The following TMEM117 variants were observed in gnomAD, a reference collection of about 807,000 sequenced individuals.
TMEM117 encodes transmembrane protein 117.
TMEM117 carries 27 observed loss-of-function variants against 52.4 expected under a neutral mutation model. That is an observed-to-expected ratio of 0.51 (90% confidence interval 0.38 to 0.71). The LOEUF (loss-of-function observed/expected upper bound fraction) is 0.71, where lower values mean the gene tolerates loss of function less well. Among genes scored for constraint, TMEM117 ranks in the 30% least tolerant of loss-of-function variants. The probability of loss-of-function intolerance (pLI) is 0.00; values close to 1 mark genes in which losing one functional copy is unlikely to be tolerated. For synonymous variants in TMEM117, 215 were observed against 206.3 expected, an observed-to-expected ratio of 1.04 and a Z score of -0.36; for missense variants, 556 against 630.5, an observed-to-expected ratio of 0.88 and a Z score of 1.26.
chr12:43,798,579 C>T, the TMEM117 span: 9 of 1,523,348 alleles, frequency 5.9e-6, no homozygotes, highest in Non-Finnish European at 8.8e-7. Context: ...ATATGATCCT[C>T]TGGGCTCTGA....
intron 3 of TMEM117, among the ~76,000 whole-genome samples, chr12:44,131,478 T>G: frequency 6.6e-6 from 1 of 152,124 alleles, no homozygotes; most frequent in East Asian, 1.9e-4. Context: ...GGTGAGTTTT[T>G]CTCTATATAT....
chr12:43,875,604 TC>T (rs931896357), intron 2 of TMEM117, among the ~76,000 whole-genome samples: 3 of 152,226 alleles, frequency 2.0e-5, no homozygotes, highest in African/African-American at 7.2e-5. Flanking sequence ...TTGATTATTT[TC>T]TTTGCCTTTT....
chr12:43,806,266 G>T, the TMEM117 span: 1 of 1,520,448 alleles, frequency 6.6e-7, no homozygotes, highest in African/African-American at 1.4e-5. Context: ...GCTAGCTCCC[G>T]GCTCCGGCGC....
Position 44,214,229 on chromosome 12 carries a change from T to A in TMEM117, c.608+2842T>A, listed in dbSNP as rs574982871. Among the ~76,000 whole-genome samples, 17 of 146,272 alleles carry A rather than the reference T, an allele frequency of 1.2e-4. No individual in the cohort carries two copies. The South Asian group carries it at 3.6e-3, about 31-fold the overall frequency. ...GGCACAGTCTCGGCTCACTGCAGCC[T>A]CTGCCTCCCAGGTCCTAGTGATTCT... is the stretch of plus-strand genomic sequence containing the variant. On this transcript the variant is annotated intron_variant, in intron 5 of 7. Transcript: ENST00000266534.
At chr12:44,060,829 A>G (rs1385597511) in intron 3 of TMEM117, among the ~76,000 whole-genome samples, 5 of 152,206 alleles carry the variant, frequency 3.3e-5, no homozygotes, top group Admixed American at 2.6e-4. Flanking sequence ...TAACTTTGAC[A>G]TATGCTTTTA....
At chr12:44,378,294 A>G (rs1283456968) in intron 7 of TMEM117, among the ~76,000 whole-genome samples, 2 of 152,204 alleles carry the variant, frequency 1.3e-5, no homozygotes, top group Non-Finnish European at 2.9e-5. Context: ...AGCTGCTAAA[A>G]ATATTTAATT....
At chr12:44,339,750 A>T (rs910790386) in intron 6 of TMEM117, among the ~76,000 whole-genome samples, 2 of 151,928 alleles carry the variant, frequency 1.3e-5, no homozygotes, top group African/African-American at 4.8e-5. Flanking sequence ...GGTATATAAG[A>T]AAAAATGTAT....
chr12:44,191,848 C>T (rs1411198632), intron 4 of TMEM117, among the ~76,000 whole-genome samples: 1 of 151,906 alleles, frequency 6.6e-6, no homozygotes, highest in Non-Finnish European at 1.5e-5. Context: ...ACATTTTTTT[C>T]TATAAGTAAT....
At chr12:43,916,877 A>G (rs1944612992) in intron 2 of TMEM117, among the ~76,000 whole-genome samples, 1 of 152,016 alleles carries the variant, frequency 6.6e-6, no homozygotes, top group South Asian at 2.1e-4. Flanking sequence ...TAACAATCTC[A>G]CTGTTAGAGC....
chr12:44,353,464 A>G (rs1292536990), intron 6 of TMEM117, among the ~76,000 whole-genome samples: 5 of 151,278 alleles, frequency 3.3e-5, no homozygotes, highest in Admixed American at 1.3e-4. Flanking sequence ...ATCTTGAATT[A>G]ATTTTTGTAT....
At chr12:44,045,572 A>G (rs549668244) in intron 3 of TMEM117, among the ~76,000 whole-genome samples, 5 of 152,258 alleles carry the variant, frequency 3.3e-5, no homozygotes, top group Admixed American at 3.3e-4. Flanking sequence ...GGCCGGGCAC[A>G]GTGATTCACG....
upstream of TMEM117, among the ~76,000 whole-genome samples, chr12:43,831,479 G>A (rs542409857): frequency 6.7e-6 from 1 of 149,714 alleles, no homozygotes; most frequent in African/African-American, 2.5e-5. Context: ...AGACTGAAAT[G>A]TATTATTGAG....
chr12:44,011,513 A>G (rs1275474037), intron 3 of TMEM117, among the ~76,000 whole-genome samples: 1 of 152,102 alleles, frequency 6.6e-6, no homozygotes, highest in Non-Finnish European at 1.5e-5. Flanking sequence ...GTAAGACGTG[A>G]CTTGCTTCTC....
intron 2 of TMEM117, among the ~76,000 whole-genome samples, chr12:43,922,300 A>G (rs2137559106): frequency 6.6e-6 from 1 of 152,316 alleles, no homozygotes; most frequent in Admixed American, 6.5e-5. Context: ...TTGAATTGTA[A>G]TTATTTCTAG....
chr12:43,922,294 A>C (rs1323295461), intron 2 of TMEM117, among the ~76,000 whole-genome samples: 2 of 152,172 alleles, frequency 1.3e-5, no homozygotes, highest in Non-Finnish European at 2.9e-5. Flanking sequence ...CAGTAATTGA[A>C]TTGTAATTAT....
the TMEM117 span, among the ~76,000 whole-genome samples, chr12:43,815,003 C>T: frequency 7.2e-5 from 11 of 152,170 alleles, no homozygotes; most frequent in Non-Finnish European, 1.5e-4. Flanking sequence ...CCTCGGCCTC[C>T]CAAAGTGCTG....
At chr12:44,349,238 T>C (rs1798019) in intron 6 of TMEM117, among the ~76,000 whole-genome samples, 3,390 of 151,982 alleles carry the variant, frequency 0.022, 140 homozygotes, top group African/African-American at 0.077. Context: ...TTTAATTCTT[T>C]TCTGTGAAAG....
intron 6 of TMEM117, among the ~76,000 whole-genome samples, chr12:44,320,006 T>TC (rs1951110433): frequency 6.6e-6 from 1 of 152,154 alleles, no homozygotes; most frequent in Admixed American, 6.5e-5. Flanking sequence ...GGCTAGTCTT[T>TC]CTCAAATCTT....
At chr12:43,949,668 A>G (rs925446888) in intron 3 of TMEM117, among the ~76,000 whole-genome samples, 28 of 152,000 alleles carry the variant, frequency 1.8e-4, no homozygotes, top group African/African-American at 6.8e-4. Context: ...TATTTTGGAG[A>G]GACTGTTTAA....
Sources: gnomAD v4.1 joint callset for allele counts (sites outside exome capture counted in the v4.1 genomes callset) on GRCh38, gnomAD v4.1.1 for gene constraint, MANE v1.5 for transcripts, NCBI Gene and HGNC (gene_info 2026-07-23, HGNC 2026-07-21) for gene names.